QTRT2: variants seen among roughly 807,000 people sequenced by gnomAD.
QTRT2 encodes queuine tRNA-ribosyltransferase accessory subunit 2, also known as queuine tRNA-ribosyltransferase domain containing 1.
QTRT2 carries 32 observed loss-of-function variants against 44.8 expected under a neutral mutation model. That is an observed-to-expected ratio of 0.71 (90% CI 0.54 to 0.96). The LOEUF (loss-of-function observed/expected upper bound fraction) is 0.96. Ranked by LOEUF, QTRT2 falls within the 40% of genes least tolerant of loss-of-function variation. The pLI is 0.00. For missense variants in QTRT2, 461 were observed against 503.1 expected, an observed-to-expected ratio of 0.92 and a Z score of 0.80; for synonymous variants, 182 against 187.4, an observed-to-expected ratio of 0.97 and a Z score of 0.24.
chr3:114,064,791 T>A lies in QTRT2; in HGVS notation c.-21-446T>A, dbSNP rs144160947. On this transcript the variant is annotated intron_variant, in intron 2 of 9. Transcript: ENST00000281273. ...ACTTAACAGCATTATTAGGAAAAAA[T>A]TGCTATATTGCTTAGCCTTCCCTCA... Among the ~76,000 whole-genome samples, 763 of 152,230 alleles carry A rather than the reference T, an allele frequency of 5.0e-3. 6 individuals carry two copies. The highest frequency in any genetic ancestry group is 7.9e-3 in the Non-Finnish European group (534 of 68,010).
intron 7 of QTRT2, 69 bp downstream of exon 7, chr3:114,077,011 T>A (rs41271381): frequency 0.065 from 91,700 of 1,406,976 alleles, 3,513 homozygotes; most frequent in Non-Finnish European, 0.075. Context: ...CGATTGTATA[T>A]TAAATAGTGT....
chr3:114,059,244 G>A (rs1166853555), intron 2 of QTRT2, among the ~76,000 whole-genome samples: 3 of 152,132 alleles, frequency 2.0e-5, no homozygotes, highest in East Asian at 3.8e-4. Flanking sequence ...ACTCTTAAGG[G>A]TTTTTCCTTA....
At position 114,070,625 on chromosome 3, in the gene QTRT2, G is replaced by A. The variant is rs2077012318; in HGVS notation, c.334-1G>A. 1.2e-6 allele frequency: 2 copies of A among 1,613,764 alleles called. No individual in the cohort carries two copies. The highest frequency in any genetic ancestry group is 2.7e-5 in the African/African-American group (2 of 75,034). The stretch of plus-strand genomic sequence containing the variant: ...TTCCTCATCATTTTGCTCCATGGCA[G>A]TCTGTGTCTGTGTGGAGTGTTGCAG... On this transcript the variant is annotated splice_acceptor_variant, in intron 5 of 9. Coordinates refer to ENST00000281273, the MANE Select transcript of QTRT2 (RefSeq NM_024638.4). LOFTEE classifies it high-confidence loss of function.
In QTRT2 at chr3:114,056,847, C is replaced by A. The variant is rs1012656359; in HGVS notation, c.-147C>A. ...TGAGGGGTCTGAAGACTGAAAGAGT[C>A]GAATGGTTTGTTGGCAGGTAAGTGC... On this transcript the variant is annotated 5_prime_UTR_variant, in exon 1 of 10. Transcript: ENST00000281273. The A allele has an allele frequency of 2.0e-6, 3 of 1,535,658 alleles. No homozygotes were observed. The highest frequency in any genetic ancestry group is 2.0e-5 in the Admixed American group (1 of 50,890).
intron 2 of QTRT2, among the ~76,000 whole-genome samples, chr3:114,062,301 C>G (rs1261235016): frequency 1.5e-5 from 2 of 137,524 alleles, no homozygotes; most frequent in African/African-American, 5.5e-5. Flanking sequence ...CCTGGGATGT[C>G]AAGGCTACAG....
At position 114,066,303 on chromosome 3, in the gene QTRT2, T is replaced by C; in HGVS notation, c.256+20T>C. 1 of 1,136,324 alleles carries C rather than the reference T, an allele frequency of 8.8e-7. No individual in the cohort carries two copies. The highest frequency in any genetic ancestry group is 1.2e-6 in the Non-Finnish European group (1 of 802,798). 70.4% of individuals were successfully genotyped at this position (1,136,324 alleles called of 1,614,324 possible). A position where few individuals can be genotyped will look rare whatever the true frequency, so the allele number is the denominator to read the frequency against. On this transcript the variant is annotated intron_variant, in intron 4 of 9. Transcript: ENST00000281273. ...TTATAGGTAAAAATTAAGTTACTTA[T>C]ATGTGCCTTGTGATGTGTTAATTTG...
At chr3:114,083,197 T>TAAG in intron 9 of QTRT2, among the ~76,000 whole-genome samples, 2 of 152,326 alleles carry the variant, frequency 1.3e-5, no homozygotes, top group East Asian at 3.9e-4. Flanking sequence ...AAGAACAAAT[T>TAAG]AAGATACAGA....
At chr3:114,066,753 A>G (rs1261305202) in intron 4 of QTRT2, among the ~76,000 whole-genome samples, 1 of 152,220 alleles carries the variant, frequency 6.6e-6, no homozygotes, top group Non-Finnish European at 1.5e-5. Flanking sequence ...GGGAGCCCAG[A>G]CAGGTGTGGG....
At position 114,086,023 on chromosome 3, in the gene QTRT2, C is replaced by A. The variant is rs1184968059; in HGVS notation, c.*119C>A. The A allele has an allele frequency of 1.2e-5, 10 of 818,290 alleles. No individual in the cohort carries two copies. Among genetic ancestry groups the A allele is most frequent in the Non-Finnish European group, 1.9e-5 (10 of 515,606 alleles). The allele number at this position is 818,290 out of a possible 1,614,324, so 50.7% of individuals were successfully genotyped here. A position where few individuals can be genotyped will look rare whatever the true frequency, so the allele number is the denominator to read the frequency against. ...TATTTATATTTGGATATAAGGTCTGCTTAAATAAAGAATCTTTGTACCAAA... is the reference window on the plus strand; with the variant it reads ...TATTTATATTTGGATATAAGGTCTGATTAAATAAAGAATCTTTGTACCAAA... On this transcript the variant is annotated 3_prime_UTR_variant, in exon 10 of 10. Coordinates refer to ENST00000281273, the MANE Select transcript of QTRT2 (RefSeq NM_024638.4).
chr3:114,065,427 C>T lies in QTRT2; in HGVS notation c.170C>T (p.Pro57Leu). ...ACGCTGCATAATATCCACGGGGTTCCTGCCATGGCTCAGCTTACGCTGTCA... is the reference window on the plus strand; with the variant it reads ...ACGCTGCATAATATCCACGGGGTTCTTGCCATGGCTCAGCTTACGCTGTCA... ...HHTLHNIHGVPAMAQLTLSSL... is the reference protein window; with the variant it reads ...HHTLHNIHGVLAMAQLTLSSL... The change falls in exon 3 of 10, where the codon CCT becomes CTT. Residue 57 changes from proline to leucine, a missense_variant. Coordinates refer to ENST00000281273, the MANE Select transcript of QTRT2 (RefSeq NM_024638.4). The T allele has an allele frequency of 6.2e-7, 1 of 1,614,008 alleles. No homozygotes were observed. Among genetic ancestry groups the T allele is most frequent in the African/African-American group, 1.3e-5 (1 of 75,068 alleles).
In QTRT2 at chr3:114,056,768, A is replaced by G. The variant is rs765932594; in HGVS notation, c.-226A>G. ...CCCTGATTGGCTCTGCACTGGAGGC[A>G]GTGATTTTGGGGCAGAGAATTTTGC... is the stretch of plus-strand genomic sequence containing the variant. On this transcript the variant is annotated 5_prime_UTR_variant, in exon 1 of 10. Transcript: ENST00000281273. 36 of 1,487,070 alleles carry G rather than the reference A, an allele frequency of 2.4e-5. No homozygotes were observed. The highest frequency in any genetic ancestry group is 9.7e-5 in the African/African-American group (7 of 72,008). 92.1% of individuals were successfully genotyped at this position (1,487,070 alleles called of 1,614,324 possible).
intron 5 of QTRT2, 181 bp downstream of exon 5, chr3:114,068,244 G>A (rs2076980064): frequency 1.9e-6 from 1 of 538,596 alleles, no homozygotes; most frequent in Non-Finnish European, 3.4e-6. Flanking sequence ...CTAAGGATGA[G>A]GTTAAGATGA....
At chr3:114,062,133 A>G (rs1398592074) in intron 2 of QTRT2, among the ~76,000 whole-genome samples, 1 of 152,068 alleles carries the variant, frequency 6.6e-6, no homozygotes, top group East Asian at 1.9e-4. Flanking sequence ...TGGGAGGTCA[A>G]GGCAGGAGGA....
rs1183785629 is a variant in QTRT2, at chr3:114,087,000, T to C, written c.*1096T>C. ...AGAGCCTAAAGAGAGGTTTGGCCTG[T>C]GGGTTTTTAAGTGGTTATTGAATTG... On this transcript the variant is annotated 3_prime_UTR_variant, in exon 10 of 10. Coordinates refer to ENST00000281273, the MANE Select transcript of QTRT2 (RefSeq NM_024638.4). The C allele has an allele frequency of 6.6e-6, 1 of 152,202 alleles. No individual in the cohort carries two copies. The highest frequency in any genetic ancestry group is 1.9e-4 in the East Asian group (1 of 5,204). The allele number at this position is 152,202 out of a possible 1,614,324, so 9.4% of individuals were successfully genotyped here. A position where few individuals can be genotyped will look rare whatever the true frequency, so the allele number is the denominator to read the frequency against.
At chr3:114,082,878 T>C (rs746042211) in intron 9 of QTRT2, 84 bp downstream of exon 9, 11 of 681,288 alleles carry the variant, frequency 1.6e-5, no homozygotes, top group Non-Finnish European at 2.6e-5. Context: ...CAATTCTCAA[T>C]TTATGATTTC....
rs752449865 is a variant in QTRT2 at position 114,067,995 on chromosome 3, G to A, written c.265G>A (p.Glu89Lys). Residue 89 changes from glutamate to lysine, a missense_variant, in exon 5 of 10, where the codon GAA (glutamate) becomes AAA (lysine). Glu to Lys is a moderately conservative substitution (Grantham distance 56). Coordinates refer to ENST00000281273, the MANE Select transcript of QTRT2 (RefSeq NM_024638.4). ...TTTTTGTGTTTATACAGGCATGCCA[G>A]AATCACTCTTGTACTGCTCCCTGCA... The part of the protein sequence containing the change: ...EGVGKFIGMP[E>K]SLLYCSLHDP... The A allele has an allele frequency of 2.5e-6, 4 of 1,613,696 alleles. No homozygotes were observed. The highest frequency in any genetic ancestry group is 4.5e-5 in the East Asian group (2 of 44,860).
intron 7 of QTRT2, 188 bp from the exon 8 acceptor site, chr3:114,079,718 C>A: frequency 2.1e-6 from 1 of 473,156 alleles, no homozygotes; most frequent in Non-Finnish European, 3.8e-6. Flanking sequence ...GGATTCAAGC[C>A]CCAGTTTTTC....
At chr3:114,066,986 A>T (rs2076962259) in intron 4 of QTRT2, among the ~76,000 whole-genome samples, 2 of 152,248 alleles carry the variant, frequency 1.3e-5, no homozygotes, top group African/African-American at 2.4e-5. Flanking sequence ...AAAGCTTAGC[A>T]GTGACAGCTA....
chr3:114,068,843 G>A lies in QTRT2; in HGVS notation c.333+780G>A, dbSNP rs565274851. ...TGGGTAGATGGCTTGAGCCTCAGGAGTTCGAGATCAGCCTGTCCAACATGG... is the reference window on the plus strand; with the variant it reads ...TGGGTAGATGGCTTGAGCCTCAGGAATTCGAGATCAGCCTGTCCAACATGG... On this transcript the variant is annotated intron_variant, in intron 5 of 9. Transcript: ENST00000281273. 4.6e-5 allele frequency among the ~76,000 whole-genome samples: 7 copies of A among 152,272 alleles called. No homozygotes were observed. In the South Asian group the frequency reaches 1.5e-3, roughly 32 times the overall value.
Sources: gnomAD v4.1 joint callset for allele counts (sites outside exome capture counted in the v4.1 genomes callset) on GRCh38, gnomAD v4.1.1 for gene constraint, MANE v1.5 for transcripts, NCBI Gene and HGNC (gene_info 2026-07-23, HGNC 2026-07-21) for gene names.